The following SLC26A1 variants were observed in gnomAD, a reference collection of about 807,000 sequenced individuals.
SLC26A1 encodes the protein solute carrier family 26 member 1, also known as sulfate anion transporter 1.
In SLC26A1, 18 loss-of-function variants were observed where a neutral mutation model predicts 14.5. The ratio of observed to expected loss-of-function variants is 1.24; its 90% CI spans 0.86 to 1.84. The LOEUF is 1.84. Ranked by LOEUF, SLC26A1 falls within the 40% of genes most tolerant of loss-of-function variation. The pLI is 0.00. For synonymous variants in SLC26A1, 505 were observed against 492.0 expected (o/e 1.03, Z -0.35); for missense variants, 1,049 against 1,020.0 (o/e 1.03, Z -0.39).
chr4:991,373 T>G lies in SLC26A1; in HGVS notation c.331A>C (p.Ile111Leu). The change falls in exon 2 of 3, where the codon ATC becomes CTC. Residue 111 changes from isoleucine to leucine, a missense_variant. Physicochemically the swap from Ile to Leu is conservative, Grantham distance 5. Coordinates refer to ENST00000398516, the MANE Select transcript of SLC26A1 (RefSeq NM_022042.4). The stretch of plus-strand genomic sequence containing the variant: ...CGTGAGGTGCCCATGAGGAAGTAGA[T>G]GAGGTTGGCGAAGAAGGACGTATAG... ...SLYTSFFANL[I>L]YFLMGTSRHV... 6.2e-7 allele frequency: 1 copy of G among 1,612,494 alleles called. No homozygotes were observed. Among genetic ancestry groups the G allele is most frequent in the Non-Finnish European group, 8.5e-7 (1 of 1,179,870 alleles).
At chr4:982,784 G>A (rs530886902), downstream of SLC26A1, among the ~76,000 whole-genome samples, 5 of 152,332 alleles carry the variant, frequency 3.3e-5, no homozygotes, top group Admixed American at 1.3e-4. Flanking sequence ...GGCCGGGTCC[G>A]TGTGTCTCCC....
In SLC26A1 at chr4:990,350, C is replaced by T. The variant is rs748877758; in HGVS notation, c.589G>A (p.Val197Ile). 2.4e-4 allele frequency: 389 copies of T among 1,599,900 alleles called. 1 individual carries two copies. Among genetic ancestry groups the T allele is most frequent in the Non-Finnish European group, 3.2e-4 (375 of 1,174,724 alleles). ...GCGGACACGAAGCCCAGCCGGAGGACGCCCATGAGGACCTGTGGACGGAGT... is the reference window on the plus strand; with the variant it reads ...GCGGACACGAAGCCCAGCCGGAGGATGCCCATGAGGACCTGTGGACGGAGT... ...MTGLYQVLMG[V>I]LRLGFVSAYL... Residue 197 changes from valine (V) to isoleucine (I), a missense_variant, in exon 3 of 3, where the codon GTC becomes ATC. Val to Ile is a conservative substitution (Grantham distance 29). Coordinates refer to ENST00000398516, the MANE Select transcript of SLC26A1 (RefSeq NM_022042.4).
In SLC26A1 at chr4:989,194, A is replaced by AC; in HGVS notation, c.1744dup (p.Val582GlyfsTer3). 1 of 1,605,672 alleles carries AC rather than the reference A, an allele frequency of 6.2e-7. No individual in the cohort carries two copies. Among genetic ancestry groups the AC allele is most frequent in the Non-Finnish European group, 8.5e-7 (1 of 1,175,634 alleles). On this transcript the variant is annotated frameshift_variant, in exon 3 of 3. Coordinates refer to ENST00000398516, the MANE Select transcript of SLC26A1 (RefSeq NM_022042.4). LOFTEE classifies it low-confidence loss of function (END_TRUNC). ...GCCCTGGGCAGGGCCTCCCTCACCG[A>AC]CCCCCGTCTCTGAGCCCCCCTCCTT...
rs757758111 is a variant in SLC26A1, at chr4:987,787, G to C, written c.*1046C>G. Reference sequence around the variant, plus strand: ...CAGCCATGCTGAGGCTCGGGACTGAGCCGCCCCTTTGTTGTCCCCAGCCCC... The same window carrying C: ...CAGCCATGCTGAGGCTCGGGACTGACCCGCCCCTTTGTTGTCCCCAGCCCC... On this transcript the variant is annotated 3_prime_UTR_variant, in exon 3 of 3. Coordinates refer to ENST00000398516, the MANE Select transcript of SLC26A1 (RefSeq NM_022042.4). 28 of 1,611,668 alleles carry C rather than the reference G, an allele frequency of 1.7e-5. No individual in the cohort carries two copies. The African/African-American group carries it at 3.5e-4, about 20-fold the overall frequency.
Position 989,626 on chromosome 4 carries a change from T to C in SLC26A1, c.1313A>G (p.Gln438Arg), listed in dbSNP as rs1389419076. The change falls in exon 3 of 3, where the codon CAG (glutamine) becomes CGG (arginine). Residue 438 changes from glutamine (Q) to arginine (R), a missense_variant. Physicochemically the swap from Gln to Arg is conservative, Grantham distance 43 (BLOSUM62 1). Transcript: ENST00000398516. ...GATGACGCAGGCCAGCACGCTTCGC[T>C]GTAGGTCGTGGAACAGCGGTGCCAG... ...LALAPLFHDLQRSVLACVIVV... is the reference protein window; with the variant it reads ...LALAPLFHDLRRSVLACVIVV... 1.9e-6 allele frequency: 3 copies of C among 1,599,892 alleles called. No individual in the cohort carries two copies. The highest frequency in any genetic ancestry group is 1.7e-5 in the Admixed American group (1 of 58,200).
rs1560534771 is a variant in SLC26A1, at chr4:989,375, A to G, written c.1564T>C (p.Tyr522His). Reference protein sequence around the residue: ...LLARIGDTAFYEDATEFEGLV... With the variant: ...LLARIGDTAFHEDATEFEGLV... The stretch of plus-strand genomic sequence containing the variant: ...CCCTCGAACTCTGTGGCATCCTCGT[A>G]GAAGGCCGTGTCCCCGATGCGGGCC... The change falls in exon 3 of 3, where the codon TAC (tyrosine) becomes CAC (histidine). Residue 522 changes from tyrosine to histidine, a missense_variant. Transcript: ENST00000398516. 1 of 1,582,040 alleles carries G rather than the reference A, an allele frequency of 6.3e-7. No homozygotes were observed. Among genetic ancestry groups the G allele is most frequent in the African/African-American group, 1.3e-5 (1 of 74,292 alleles).
chr4:981,028 A>G (rs1577501917), intron 2 of SLC26A1, among the ~76,000 whole-genome samples: 1 of 152,202 alleles, frequency 6.6e-6, no homozygotes. Context: ...CAGGGTCTCA[A>G]CCAGCGACTC....
exon 3 of SLC26A1, chr4:979,369 A>G (rs1222839915): frequency 8.4e-7 from 1 of 1,186,434 alleles, no homozygotes; most frequent in South Asian, 1.3e-5. Context: ...AGGGTCCCGC[A>G]TTCTCGATGT....
At position 989,117 on chromosome 4, in the gene SLC26A1, C is replaced by T. The variant is rs764924643; in HGVS notation, c.1822G>A (p.Gly608Ser). ...TRAALVPAAAGFHTVVIDCAP... is the reference protein window; with the variant it reads ...TRAALVPAAASFHTVVIDCAP... Reference sequence around the variant, plus strand: ...CAGTCGATGACCACTGTGTGGAAGCCGGCCGCTGCGGGCACCAGCGCAGCC... The same window carrying T: ...CAGTCGATGACCACTGTGTGGAAGCTGGCCGCTGCGGGCACCAGCGCAGCC... The change falls in exon 3 of 3, where the codon GGC becomes AGC. Residue 608 changes from glycine to serine, a missense_variant. Physicochemically the swap from Gly to Ser is moderately conservative, Grantham distance 56. Transcript: ENST00000398516. 78 of 1,605,188 alleles carry T rather than the reference C, an allele frequency of 4.9e-5. No homozygotes were observed. The highest frequency in any genetic ancestry group is 4.5e-5 in the East Asian group (2 of 44,454).
chr4:988,719 C>G lies in SLC26A1; in HGVS notation c.*114G>C. 1 of 1,423,344 alleles carries G rather than the reference C, an allele frequency of 7.0e-7. No homozygotes were observed. 88.2% of individuals were successfully genotyped at this position (1,423,344 alleles called of 1,614,324 possible). On this transcript the variant is annotated 3_prime_UTR_variant, in exon 3 of 3. Transcript: ENST00000398516. ...CGGTTTCCCCAGGGCAGCTGTGGCA[C>G]AAGAGTGCAGCTCTTGGGTGGCTCC... is the stretch of plus-strand genomic sequence containing the variant.
downstream of SLC26A1, chr4:987,535 G>T: frequency 9.5e-7 from 1 of 1,050,898 alleles, no homozygotes; most frequent in Non-Finnish European, 1.3e-6. Flanking sequence ...TGGCCTGCCT[G>T]TCCCATTCCT....
At chr4:981,053 G>A (rs977275796) in intron 2 of SLC26A1, among the ~76,000 whole-genome samples, 6 of 152,092 alleles carry the variant, frequency 3.9e-5, no homozygotes, top group African/African-American at 7.2e-5. Flanking sequence ...GTCAGCAACC[G>A]GCCAGCGTGC....
In SLC26A1 at chr4:990,091, C is replaced by A. The variant is rs776919627; in HGVS notation, c.848G>T (p.Arg283Leu). 6.3e-7 allele frequency: 1 copy of A among 1,596,916 alleles called. No individual in the cohort carries two copies. Among genetic ancestry groups the A allele is most frequent in the Admixed American group, 1.7e-5 (1 of 58,532 alleles). The change falls in exon 3 of 3, where the codon CGC becomes CTC. Residue 283 changes from arginine (R) to leucine (L), a missense_variant. Transcript: ENST00000398516. ...CGGCACCCTCAGGCGGTGTCGGTAG[C>A]GGTCTGAGAGCTCCTTCGCGGCTAG... ...VLLAAKELSD[R>L]YRHRLRVPLP...
Position 989,633 on chromosome 4 carries a change from C to T in SLC26A1, c.1306G>A (p.Asp436Asn), listed in dbSNP as rs779417668. 38 of 1,597,358 alleles carry T rather than the reference C, an allele frequency of 2.4e-5. No homozygotes were observed. The East Asian group carries it at 6.1e-4, about 26-fold the overall frequency. ...VLLALAPLFH[D>N]LQRSVLACVI... ...CAGGCCAGCACGCTTCGCTGTAGGT[C>T]GTGGAACAGCGGTGCCAGCGCCAGC... The change falls in exon 3 of 3, where the codon GAC becomes AAC. Residue 436 changes from aspartate (D) to asparagine (N), a missense_variant. Transcript: ENST00000398516.
In SLC26A1 at chr4:988,245, T is replaced by A; in HGVS notation, c.*588A>T. The A allele has an allele frequency of 7.9e-7, 1 of 1,269,544 alleles. No homozygotes were observed. The highest frequency in any genetic ancestry group is 1.0e-6 in the Non-Finnish European group (1 of 1,000,342). 78.6% of individuals were successfully genotyped at this position (1,269,544 alleles called of 1,614,324 possible). ...CCCTGTGTGTGTCTGCTGGCCAGGC[T>A]GGGTAGGGCCACTGCACCTGAGGGC... On this transcript the variant is annotated 3_prime_UTR_variant, in exon 3 of 3. Coordinates refer to ENST00000398516, the MANE Select transcript of SLC26A1 (RefSeq NM_022042.4).
At position 991,477 on chromosome 4, in the gene SLC26A1, C is replaced by T. The variant is rs1714322838; in HGVS notation, c.227G>A (p.Gly76Glu). 2.5e-6 allele frequency: 4 copies of T among 1,611,426 alleles called. No individual in the cohort carries two copies. The highest frequency in any genetic ancestry group is 3.4e-6 in the Non-Finnish European group (4 of 1,178,808). Residue 76 changes from glycine to glutamate, a missense_variant, in exon 2 of 3, where the codon GGG becomes GAG. Gly to Glu is a moderately conservative substitution (Grantham distance 98). Transcript: ENST00000398516. ...REYLAGDVMS[G>E]LVIGIILVPQ... ...CACCAGGATGATGCCGATGACCAGC[C>T]CAGACATGACGTCGCCTGCCAGGTA...
In SLC26A1 at chr4:989,216, C is replaced by T. The variant is rs957225728; in HGVS notation, c.1723G>A (p.Glu575Lys). 1 of 1,610,364 alleles carries T rather than the reference C, an allele frequency of 6.2e-7. No homozygotes were observed. Among genetic ancestry groups the T allele is most frequent in the Non-Finnish European group, 8.5e-7 (1 of 1,178,306 alleles). ...CCGACCCCCGTCTCTGAGCCCCCCT[C>T]CTTCCTCCTGGCAGCCATGCACCCT... ...DAGCMAARRK[E>K]GGSETGVGEG... Residue 575 changes from glutamate (E) to lysine (K), a missense_variant, in exon 3 of 3, where the codon GAG becomes AAG. By Grantham distance (56) the Glu-to-Lys change is moderately conservative. Coordinates refer to ENST00000398516, the MANE Select transcript of SLC26A1 (RefSeq NM_022042.4).
chr4:991,847 T>C (rs866513922), intron 1 of SLC26A1, 117 bp from the exon 2 acceptor site: 2 of 1,522,610 alleles, frequency 1.3e-6, no homozygotes, highest in African/African-American at 1.4e-5. Flanking sequence ...GGGCCGGGGA[T>C]TGGTGCTGGG....
intron 1 of SLC26A1, chr4:992,299 G>A (rs908692283): frequency 3.2e-5 from 14 of 432,156 alleles, no homozygotes; most frequent in Non-Finnish European, 6.2e-5. Flanking sequence ...CCAAACCATC[G>A]CCTGCTCTCC....
Sources: allele counts gnomAD v4.1 joint callset (sites outside exome capture counted in the v4.1 genomes callset), GRCh38; gene constraint gnomAD v4.1.1; transcripts MANE v1.5; gene names NCBI Gene and HGNC (gene_info 2026-07-23, HGNC 2026-07-21).